CMSS1: variants seen among roughly 807,000 people sequenced by gnomAD.
The protein encoded by CMSS1 is protein CMSS1.
A neutral mutation model predicts 43.5 loss-of-function variants in CMSS1; 33 were observed. That is an observed-to-expected ratio of 0.76 (90% confidence interval 0.57 to 1.01). The LOEUF (loss-of-function observed/expected upper bound fraction) is 1.01. Ranked by LOEUF, CMSS1 falls within the 50% of genes least tolerant of loss-of-function variation. The pLI is 0.00. For missense variants in CMSS1, 313 were observed against 326.4 expected (o/e 0.96, Z 0.32); for synonymous variants, 115 against 117.2 (o/e 0.98, Z 0.12).
intron 1 of CMSS1, among the ~76,000 whole-genome samples, chr3:99,863,398 G>T (rs809415): frequency 0.73 from 111,668 of 151,978 alleles, 41,738 homozygotes; most frequent in African/African-American, 0.88. Context: ...ACTCCTGTAC[G>T]TGGGGACTCA....
intron 1 of CMSS1, among the ~76,000 whole-genome samples, chr3:100,100,879 A>C (rs1241358774): frequency 6.6e-6 from 1 of 152,174 alleles, no homozygotes; most frequent in Non-Finnish European, 1.5e-5. Flanking sequence ...GAGGAAGATC[A>C]GTTTTTCCTG....
rs538579157 is a variant in CMSS1, at chr3:100,167,911, C to G, written c.518+71C>G. On this transcript the variant is annotated intron_variant, in intron 6 of 9. Transcript: ENST00000421999. ...CTGATATATGCCAAGCTATTATGTT[C>G]TATGTGCTGGAGATGTAGCAATAAA... 22 of 1,045,258 alleles carry G rather than the reference C, an allele frequency of 2.1e-5. No homozygotes were observed. In the East Asian group the frequency reaches 4.7e-4, roughly 22 times the overall value. 64.7% of individuals were successfully genotyped at this position (1,045,258 alleles called of 1,614,324 possible). A position where few individuals can be genotyped will look rare whatever the true frequency, so the allele number is the denominator to read the frequency against.
intron 1 of CMSS1, among the ~76,000 whole-genome samples, chr3:99,997,266 AAGG>A (rs544081411): frequency 6.6e-6 from 1 of 152,222 alleles, no homozygotes; most frequent in Non-Finnish European, 1.5e-5. Context: ...GAAATGATAA[AAGG>A]AGGCATTTTT....
At chr3:99,851,152 GA>G in intron 1 of CMSS1, 1 of 1,130,070 alleles carries the variant, frequency 8.8e-7, no homozygotes, top group South Asian at 1.7e-5. Context: ...ATGTAATTTA[GA>G]AATTATGTAA....
At chr3:99,879,428 T>C (rs991035446) in intron 1 of CMSS1, among the ~76,000 whole-genome samples, 1 of 152,198 alleles carries the variant, frequency 6.6e-6, no homozygotes, top group Non-Finnish European at 1.5e-5. Flanking sequence ...ACATCATCAT[T>C]ATTTAACTTT....
chr3:100,108,111 A>G (rs1183657656), intron 1 of CMSS1, among the ~76,000 whole-genome samples: 1 of 152,158 alleles, frequency 6.6e-6, no homozygotes, highest in Non-Finnish European at 1.5e-5. Flanking sequence ...CAAAGAAAAT[A>G]CATGATTCAA....
intron 1 of CMSS1, among the ~76,000 whole-genome samples, chr3:99,977,187 G>T (rs1353898809): frequency 1.3e-5 from 2 of 152,188 alleles, no homozygotes; most frequent in African/African-American, 4.8e-5. Context: ...AGAGGCATAA[G>T]GCTGGAGGAA....
intron 1 of CMSS1, chr3:99,850,574 T>C (rs1943632666): frequency 6.2e-7 from 1 of 1,613,920 alleles, no homozygotes; most frequent in Non-Finnish European, 8.5e-7. Flanking sequence ...TCAGCCATGA[T>C]ACCAGCGTTT....
chr3:99,820,042 C>T (rs1331784268), intron 1 of CMSS1, among the ~76,000 whole-genome samples: 2 of 151,872 alleles, frequency 1.3e-5, no homozygotes, highest in African/African-American at 4.8e-5. Flanking sequence ...CGTGAGCCAC[C>T]GTGCCTGGCC....
intron 1 of CMSS1, among the ~76,000 whole-genome samples, chr3:100,106,938 C>G (rs543288420): frequency 1.3e-5 from 2 of 152,140 alleles, no homozygotes; most frequent in Non-Finnish European, 2.9e-5. Context: ...ATTTTCTGGT[C>G]AGTAGATGAA....
chr3:100,044,169 G>C (rs2065245728), intron 1 of CMSS1, among the ~76,000 whole-genome samples: 1 of 152,196 alleles, frequency 6.6e-6, no homozygotes, highest in African/African-American at 2.4e-5. Context: ...CCTTGAGCCA[G>C]TTACTTGCCT....
intron 1 of CMSS1, among the ~76,000 whole-genome samples, chr3:99,905,415 ATCT>A (rs1335704546): frequency 6.6e-6 from 1 of 152,132 alleles, no homozygotes; most frequent in East Asian, 1.9e-4. Context: ...ACTAGGACTA[ATCT>A]TCTTGTCATC....
intron 1 of CMSS1, among the ~76,000 whole-genome samples, chr3:99,992,558 G>A (rs1271277901): frequency 4.6e-5 from 7 of 151,944 alleles, no homozygotes; most frequent in Admixed American, 3.9e-4. Flanking sequence ...GTAGATTCTG[G>A]TTATTAGCCC....
intron 1 of CMSS1, among the ~76,000 whole-genome samples, chr3:100,129,607 A>G (rs1421444235): frequency 6.6e-6 from 1 of 152,178 alleles, no homozygotes; most frequent in African/African-American, 2.4e-5. Context: ...AAAAATTTAA[A>G]CATGCTTTTT....
At chr3:99,945,662 C>G (rs1226340470) in intron 1 of CMSS1, among the ~76,000 whole-genome samples, 2 of 152,164 alleles carry the variant, frequency 1.3e-5, no homozygotes, top group South Asian at 2.1e-4. Flanking sequence ...AGGTAGAGAG[C>G]CTGCCAAGTC....
chr3:99,887,395 A>G lies in CMSS1; in HGVS notation c.64+69352A>G, dbSNP rs1489855721. 2.6e-5 allele frequency among the ~76,000 whole-genome samples: 4 copies of G among 152,282 alleles called. No homozygotes were observed. In the East Asian group the frequency reaches 7.7e-4, roughly 29 times the overall value. On this transcript the variant is annotated intron_variant, in intron 1 of 9. Coordinates refer to ENST00000421999, the MANE Select transcript of CMSS1 (RefSeq NM_032359.4). ...GAATGGTGGAACAAAGGAACCCTGG[A>G]TTTACTATAGTCATTGGTTGGCTCT... is the stretch of plus-strand genomic sequence containing the variant.
chr3:99,907,239 C>A (rs1706647666), intron 1 of CMSS1, among the ~76,000 whole-genome samples: 2 of 151,864 alleles, frequency 1.3e-5, no homozygotes, highest in South Asian at 4.2e-4. Flanking sequence ...ACCTATTACC[C>A]TTTTAATTTT....
chr3:99,867,205 C>G (rs554369783), intron 1 of CMSS1, among the ~76,000 whole-genome samples: 1 of 152,298 alleles, frequency 6.6e-6, no homozygotes, highest in South Asian at 2.1e-4. Flanking sequence ...TCTCTTGGCC[C>G]TGGGTCTGCT....
At chr3:99,825,812 T>C (rs1486812209) in intron 1 of CMSS1, among the ~76,000 whole-genome samples, 8 of 149,664 alleles carry the variant, frequency 5.3e-5, no homozygotes, top group African/African-American at 1.5e-4. Context: ...AGTTTTGCTC[T>C]TGTCCCCCAG....
Sources: allele counts gnomAD v4.1 joint callset (sites outside exome capture counted in the v4.1 genomes callset), GRCh38; gene constraint gnomAD v4.1.1; transcripts MANE v1.5; gene names NCBI Gene and HGNC (gene_info 2026-07-23, HGNC 2026-07-21).